CDADC1: variants seen among roughly 807,000 people sequenced by gnomAD.
The protein encoded by CDADC1 is cytidine and dCMP deaminase domain containing 1, also known as dCTP deaminase.
CDADC1 carries 39 observed loss-of-function variants against 54.9 expected under a neutral mutation model. The ratio of observed to expected loss-of-function variants is 0.71; its 90% confidence interval spans 0.55 to 0.93. The LOEUF is 0.93. Ranked by LOEUF, CDADC1 falls within the 40% of genes least tolerant of loss-of-function variation. The pLI is 0.00. For missense variants in CDADC1, 518 were observed against 618.8 expected, an observed-to-expected ratio of 0.84 and a Z score of 1.73; for synonymous variants, 186 against 204.0, an observed-to-expected ratio of 0.91 and a Z score of 0.75.
At chr13:49,262,539 A>T (rs960634941) in intron 4 of CDADC1, among the ~76,000 whole-genome samples, 6 of 150,882 alleles carry the variant, frequency 4.0e-5, no homozygotes, top group Admixed American at 2.0e-4. Flanking sequence ...TTTTTATTTT[A>T]TTTTTTTTTG....
chr13:49,291,958 T>C lies in CDADC1; in HGVS notation c.*201T>C, dbSNP rs1953719312. Reference sequence around the variant, plus strand: ...ATTTATGTGTGGGTTTTCCATAATGTAGTAGTGTGTTATTTTATTACACGA... The same window carrying C: ...ATTTATGTGTGGGTTTTCCATAATGCAGTAGTGTGTTATTTTATTACACGA... On this transcript the variant is annotated 3_prime_UTR_variant, in exon 10 of 10. Transcript: ENST00000251108. 1.5e-6 allele frequency: 2 copies of C among 1,330,386 alleles called. No individual in the cohort carries two copies. Among genetic ancestry groups the C allele is most frequent in the Non-Finnish European group, 9.6e-7 (1 of 1,038,992 alleles). 82.4% of individuals were successfully genotyped at this position (1,330,386 alleles called of 1,614,324 possible).
chr13:49,249,753 A>G (rs966880014), intron 2 of CDADC1, among the ~76,000 whole-genome samples: 1 of 152,142 alleles, frequency 6.6e-6, no homozygotes. Flanking sequence ...TCAGAAATGT[A>G]TAGTAAGAAT....
Position 49,267,638 on chromosome 13 carries a change from A to G in CDADC1, c.579A>G (p.Gln193=). 1 of 1,614,156 alleles carries G rather than the reference A, an allele frequency of 6.2e-7. No homozygotes were observed. Among genetic ancestry groups the G allele is most frequent in the Non-Finnish European group, 8.5e-7 (1 of 1,180,020 alleles). The change falls in exon 5 of 10, where the codon CAA becomes CAG. Residue 193 remains glutamine, a synonymous_variant. Transcript: ENST00000251108. ...NSRAHVCVLL[Q]PLVCYMVQFV... ...GGGCCCATGTGTGTGTCTTACTTCAACCTTTGGTGTGTTATATGGTGCAGT... is the reference window on the plus strand; with the variant it reads ...GGGCCCATGTGTGTGTCTTACTTCAGCCTTTGGTGTGTTATATGGTGCAGT...
At position 49,292,109 on chromosome 13, in the gene CDADC1, A is replaced by T. The variant is rs758752121; in HGVS notation, c.*352A>T. On this transcript the variant is annotated 3_prime_UTR_variant, in exon 10 of 10. Transcript: ENST00000251108. ...AGAGGTCATGCCTCTGCAGGGAATCACACACCTTTTGAGAAATATTAATTC... is the reference window on the plus strand; with the variant it reads ...AGAGGTCATGCCTCTGCAGGGAATCTCACACCTTTTGAGAAATATTAATTC... 3.6e-4 allele frequency: 369 copies of T among 1,035,648 alleles called. No homozygotes were observed. The highest frequency in any genetic ancestry group is 4.2e-4 in the Non-Finnish European group (357 of 860,108). The allele number at this position is 1,035,648 out of a possible 1,614,324, so 64.2% of individuals were successfully genotyped here.
At chr13:49,248,195 A>C in intron 1 of CDADC1, 76 bp downstream of exon 1, 1 of 1,293,212 alleles carries the variant, frequency 7.7e-7, no homozygotes, top group Non-Finnish European at 1.1e-6. Context: ...TGAACTCCAG[A>C]TTCCTTGTCT....
intron 5 of CDADC1, among the ~76,000 whole-genome samples, chr13:49,269,320 GTACAGATGCTA>G (rs1343432014): frequency 1.0e-5 from 1 of 95,836 alleles, no homozygotes; most frequent in East Asian, 4.3e-4. Context: ...TTTATAAAAA[GTACAGATGCTA>G]TACTTTTTAC....
intron 2 of CDADC1, among the ~76,000 whole-genome samples, chr13:49,249,622 T>G (rs1384778923): frequency 6.6e-6 from 1 of 152,108 alleles, no homozygotes; most frequent in Non-Finnish European, 1.5e-5. Context: ...TAGTCCCAGT[T>G]ACGCGGGAGG....
chr13:49,275,779 AGAGAGAGAGAGAGAGAGT>A (rs1953113432), intron 6 of CDADC1, among the ~76,000 whole-genome samples: 4 of 82,046 alleles, frequency 4.9e-5, no homozygotes, highest in African/African-American at 1.4e-4. Flanking sequence ...AGAGAGAGAG[AGAGAGAGAGAGAGAGAGT>A]CTCACTCTGT....
chr13:49,271,431 A>G (rs1952962259), intron 5 of CDADC1, among the ~76,000 whole-genome samples: 1 of 152,126 alleles, frequency 6.6e-6, no homozygotes, highest in African/African-American at 2.4e-5. Flanking sequence ...TGATAATGAG[A>G]GTAGGCTGGA....
At position 49,277,749 on chromosome 13, in the gene CDADC1, TAAG is replaced by T. The variant is rs536483725; in HGVS notation, c.1051-597_1051-595del. ...AAAAGAGAAATAAGAGCCATTGAAG[TAAG>T]AAGTTCTATAATAATATGCATATAA... On this transcript the variant is annotated intron_variant, in intron 6 of 9. Coordinates refer to ENST00000251108, the MANE Select transcript of CDADC1 (RefSeq NM_030911.4). 3.1e-3 allele frequency among the ~76,000 whole-genome samples: 470 copies of T among 152,278 alleles called. 1 individual carries two copies. The highest frequency in any genetic ancestry group is 0.011 in the African/African-American group (442 of 41,558).
chr13:49,281,629 C>G (rs1441905756), intron 8 of CDADC1, among the ~76,000 whole-genome samples: 3 of 152,100 alleles, frequency 2.0e-5, no homozygotes, highest in Non-Finnish European at 4.4e-5. Flanking sequence ...GCCGTGCGGC[C>G]CAGTTCCTAA....
intron 9 of CDADC1, among the ~76,000 whole-genome samples, chr13:49,289,265 A>AT (rs1953625103): frequency 6.6e-6 from 1 of 150,968 alleles, no homozygotes; most frequent in African/African-American, 2.4e-5. Context: ...AGTATCTGGG[A>AT]TTACAGGCAT....
chr13:49,263,289 A>G (rs1952728208), intron 4 of CDADC1, among the ~76,000 whole-genome samples: 1 of 152,210 alleles, frequency 6.6e-6, no homozygotes, highest in African/African-American at 2.4e-5. Flanking sequence ...GAAAACTCAT[A>G]TTCTCTATTA....
At chr13:49,260,023 G>A (rs555321081) in intron 4 of CDADC1, among the ~76,000 whole-genome samples, 12 of 152,224 alleles carry the variant, frequency 7.9e-5, no homozygotes, top group African/African-American at 2.9e-4. Context: ...AAGCCCGGGA[G>A]TTCAAGGCTG....
intron 4 of CDADC1, among the ~76,000 whole-genome samples, chr13:49,265,173 G>A (rs1348318295): frequency 6.6e-6 from 1 of 152,166 alleles, no homozygotes; most frequent in East Asian, 1.9e-4. Flanking sequence ...TTTTATTAAA[G>A]TATAAGGTGC....
At chr13:49,249,034 T>G in intron 2 of CDADC1, 69 bp downstream of exon 2, 1 of 972,276 alleles carries the variant, frequency 1.0e-6, no homozygotes, top group East Asian at 2.4e-5. Context: ...ATTGCTCCAG[T>G]TTCTGTCATA....
intron 8 of CDADC1, among the ~76,000 whole-genome samples, chr13:49,282,243 T>TTTTG (rs1300102014): frequency 1.4e-5 from 2 of 145,932 alleles, no homozygotes; most frequent in Non-Finnish European, 3.0e-5. Context: ...TGGGTTTTTT[T>TTTTG]TTTTTTTTTT....
chr13:49,287,322 A>G (rs1389364874), intron 9 of CDADC1, among the ~76,000 whole-genome samples: 1 of 152,268 alleles, frequency 6.6e-6, no homozygotes, highest in Non-Finnish European at 1.5e-5. Flanking sequence ...AAGGTCTTAG[A>G]ATAATTTTTC....
chr13:49,248,132 G>A lies in CDADC1; in HGVS notation c.82+13G>A, dbSNP rs1952338617. Reference sequence around the variant, plus strand: ...GGCAGCATGACCGGTGAGTGTCCGGGACCCTGCTCCCGCCACCCTACCTTT... The same window carrying A: ...GGCAGCATGACCGGTGAGTGTCCGGAACCCTGCTCCCGCCACCCTACCTTT... On this transcript the variant is annotated intron_variant, in intron 1 of 9. Coordinates refer to ENST00000251108, the MANE Select transcript of CDADC1 (RefSeq NM_030911.4). 3.9e-6 allele frequency: 6 copies of A among 1,547,878 alleles called. No individual in the cohort carries two copies. Among genetic ancestry groups the A allele is most frequent in the Middle Eastern group, 1.8e-4 (1 of 5,686 alleles).
Sources: allele counts gnomAD v4.1 joint callset (sites outside exome capture counted in the v4.1 genomes callset), GRCh38; gene constraint gnomAD v4.1.1; transcripts MANE v1.5; gene names NCBI Gene and HGNC (gene_info 2026-07-23, HGNC 2026-07-21).